FHOD1: variants seen among roughly 807,000 people sequenced by gnomAD.
FHOD1 encodes FH1/FH2 domain-containing protein 1.
In FHOD1, 89 loss-of-function variants were observed where a neutral mutation model predicts 111.6. The observed-to-expected ratio is 0.80, with a 90% CI of 0.67 to 0.95. FHOD1 has a LOEUF of 0.95. Among genes scored for constraint, FHOD1 ranks in the 40% least tolerant of loss-of-function variants. The probability of loss-of-function intolerance (pLI) is 0.00; values close to 1 mark genes in which losing one functional copy is unlikely to be tolerated. For missense variants in FHOD1, 1,446 were observed against 1,554.2 expected (o/e 0.93, Z 1.17); for synonymous variants, 618 against 639.0 (o/e 0.97, Z 0.50).
chr16:67,246,966 G>A (rs1480977840), intron 1 of FHOD1: 7 of 526,030 alleles, frequency 1.3e-5, no homozygotes, highest in Non-Finnish European at 9.9e-6. Flanking sequence ...CTCCCCAGGT[G>A]CGCCTAATTC....
In FHOD1 at chr16:67,234,500, C is replaced by G. The variant is rs181045850; in HGVS notation, c.1320-28G>C. The stretch of plus-strand genomic sequence containing the variant: ...GAGGGAAGGTGCTTGTCACTGACAG[C>G]GTCTGACACACCCCAGCCCAGGTGT... On this transcript the variant is annotated intron_variant, in intron 11 of 21. Transcript: ENST00000258201. 153 of 1,542,516 alleles carry G rather than the reference C, an allele frequency of 9.9e-5. No homozygotes were observed. In the African/African-American group the frequency reaches 1.7e-3, roughly 17 times the overall value.
chr16:67,244,051 G>A (rs1597332104), intron 1 of FHOD1, among the ~76,000 whole-genome samples: 1 of 152,280 alleles, frequency 6.6e-6, no homozygotes, highest in South Asian at 2.1e-4. Context: ...AAACATTCCA[G>A]GACAGTGCCA....
rs2034171849 is a variant in FHOD1 at position 67,229,717 on chromosome 16, C to A, written c.3414G>T (p.Leu1138Phe). ...CGAGCCCACTCTTCAACGTCCTTCT[C>A]ACTGCAGGGACAGAGCAGGGTTGGA... ...RKRSRGNRKS[L>F]RRTLKSGLGD... The change falls in exon 22 of 22, where the codon TTG becomes TTT. Residue 1138 changes from leucine to phenylalanine, a missense_variant and splice_region_variant. This residue lies in a region of FHOD1 where 1,085 missense variants were observed against 1,108.8 expected (regional missense o/e 0.98). Coordinates refer to ENST00000258201, the MANE Select transcript of FHOD1 (RefSeq NM_013241.3). 4 of 1,614,216 alleles carry A rather than the reference C, an allele frequency of 2.5e-6. No homozygotes were observed. Among genetic ancestry groups the A allele is most frequent in the Middle Eastern group, 1.6e-4 (1 of 6,062 alleles).
rs1177129738 is a variant in FHOD1 at position 67,234,477 on chromosome 16, G to A, written c.1320-5C>T. 1 of 1,575,034 alleles carries A rather than the reference G, an allele frequency of 6.3e-7. No individual in the cohort carries two copies. Among genetic ancestry groups the A allele is most frequent in the Admixed American group, 1.8e-5 (1 of 55,118 alleles). The stretch of plus-strand genomic sequence containing the variant: ...ACATTCTCCAGGAACCGGGCTCTGA[G>A]GGAAGGTGCTTGTCACTGACAGCGT... On this transcript the variant is annotated splice_polypyrimidine_tract_variant and splice_region_variant and intron_variant, in intron 11 of 21. Coordinates refer to ENST00000258201, the MANE Select transcript of FHOD1 (RefSeq NM_013241.3).
At chr16:67,245,411 T>G (rs1268074591) in intron 1 of FHOD1, among the ~76,000 whole-genome samples, 1 of 152,120 alleles carries the variant, frequency 6.6e-6, no homozygotes, top group Non-Finnish European at 1.5e-5. Context: ...TGAGCCTCTT[T>G]CTTGCAGCTG....
chr16:67,240,718 G>A (rs756728774), intron 1 of FHOD1, among the ~76,000 whole-genome samples: 1 of 152,204 alleles, frequency 6.6e-6, no homozygotes, highest in Non-Finnish European at 1.5e-5. Context: ...GCCTGAGGGA[G>A]GTGACTCCTG....
intron 17 of FHOD1, 171 bp from the exon 18 acceptor site, chr16:67,230,962 A>T: frequency 1.2e-6 from 1 of 850,794 alleles, no homozygotes; most frequent in South Asian, 1.7e-5. Context: ...TGGGGAGCAG[A>T]AGGTTTACTG....
At chr16:67,236,266 G>A in intron 11 of FHOD1, 5 of 833,634 alleles carry the variant, frequency 6.0e-6, no homozygotes, top group Non-Finnish European at 6.8e-6. Context: ...GGAAGAGACA[G>A]AGGCAGCAGA....
In FHOD1 at chr16:67,229,477, C is replaced by T. The variant is rs976443028; in HGVS notation, c.*159G>A. The T allele has an allele frequency of 1.6e-5, 11 of 669,030 alleles. No homozygotes were observed. The Admixed American group carries it at 2.0e-4, about 12-fold the overall frequency. The allele number at this position is 669,030 out of a possible 1,614,324, so 41.4% of individuals were successfully genotyped here. A position where few individuals can be genotyped will look rare whatever the true frequency, so the allele number is the denominator to read the frequency against. ...GCATATGCATGCACACACACACATA[C>T]ACACACACTCACATGCATACACACA... On this transcript the variant is annotated 3_prime_UTR_variant, in exon 22 of 22. Coordinates refer to ENST00000258201, the MANE Select transcript of FHOD1 (RefSeq NM_013241.3).
chr16:67,232,807 T>C (rs778683914), intron 13 of FHOD1, among the ~76,000 whole-genome samples: 11 of 150,884 alleles, frequency 7.3e-5, no homozygotes, highest in Admixed American at 1.3e-4. Context: ...TGTACCACCA[T>C]ACCCAACTAT....
intron 11 of FHOD1, chr16:67,236,008 G>C: frequency 1.0e-6 from 1 of 979,992 alleles, no homozygotes; most frequent in Non-Finnish European, 1.2e-6. Context: ...GCCGGCCTCT[G>C]TACTTACTCC....
At position 67,230,642 on chromosome 16, in the gene FHOD1, ACGG is replaced by A. The variant is rs752942969; in HGVS notation, c.2814_2816del (p.Arg939del). On this transcript the variant is annotated inframe_deletion, in exon 18 of 22. Transcript: ENST00000258201. Reference sequence around the variant, plus strand: ...GGTGCACTATCCTTAGCATGGCAACACGGCGGGCACACTGGTCCAGGAAGTGGG... The same window carrying A: ...GGTGCACTATCCTTAGCATGGCAACACGGGCACACTGGTCCAGGAAGTGGG... 1.3e-5 allele frequency: 21 copies of A among 1,613,906 alleles called. No individual in the cohort carries two copies. Among genetic ancestry groups the A allele is most frequent in the Admixed American group, 1.7e-5 (1 of 60,008 alleles).
intron 11 of FHOD1, among the ~76,000 whole-genome samples, chr16:67,235,151 A>G (rs1028128125): frequency 1.3e-5 from 2 of 152,178 alleles, no homozygotes; most frequent in Non-Finnish European, 2.9e-5. Context: ...GAGCAGGGGA[A>G]GGGGATAGCT....
rs1034200184 is a variant in FHOD1 at position 67,230,940 on chromosome 16, A to G, written c.2668-149T>C. ...AGACTAGTGCAAGAGACACAAGTCCATCTGATGTGAATGGGGAGCAGAAGG... is the reference window on the plus strand; with the variant it reads ...AGACTAGTGCAAGAGACACAAGTCCGTCTGATGTGAATGGGGAGCAGAAGG... On this transcript the variant is annotated intron_variant, in intron 17 of 21. Coordinates refer to ENST00000258201, the MANE Select transcript of FHOD1 (RefSeq NM_013241.3). 6.5e-6 allele frequency: 6 copies of G among 919,400 alleles called. No individual in the cohort carries two copies. The Admixed American group carries it at 1.1e-4, about 17-fold the overall frequency. 57.0% of individuals were successfully genotyped at this position (919,400 alleles called of 1,614,324 possible).
Position 67,247,233 on chromosome 16 carries a change from G to A in FHOD1, c.178C>T (p.Arg60Cys). The A allele has an allele frequency of 6.3e-7, 1 of 1,599,054 alleles. No homozygotes were observed. The highest frequency in any genetic ancestry group is 8.5e-7 in the Non-Finnish European group (1 of 1,174,140). Residue 60 changes from arginine to cysteine, a missense_variant, in exon 1 of 22, where the codon CGC becomes TGC. Physicochemically the swap from Arg to Cys is radical, Grantham distance 180. Coordinates refer to ENST00000258201, the MANE Select transcript of FHOD1 (RefSeq NM_013241.3). ...ACCTTGAGCGGCGCTCCCAGCAGGCGGTGCACCGCGGGTATCTGCGCGCCC... is the reference window on the plus strand; with the variant it reads ...ACCTTGAGCGGCGCTCCCAGCAGGCAGTGCACCGCGGGTATCTGCGCGCCC... ...PLGAQIPAVH[R>C]LLGAPLKLED... is the part of the protein sequence containing the mutation.
In FHOD1 at chr16:67,231,115, G is replaced by A; in HGVS notation, c.2667+73C>T. On this transcript the variant is annotated intron_variant, in intron 17 of 21. Transcript: ENST00000258201. The surrounding 1 kb of genome is among the most constrained non-coding windows in gnomAD (Gnocchi z 4.3). ...CACAGCAGCCCAAATGGGGAGAAGG[G>A]GGAGGAGCCAGGCCCAGGAAGCAGC... 1.9e-6 allele frequency: 3 copies of A among 1,567,484 alleles called. No homozygotes were observed. In the South Asian group the frequency reaches 3.5e-5, roughly 19 times the overall value.
chr16:67,234,128 C>A lies in FHOD1; in HGVS notation c.1575G>T (p.Lys525Asn). 1 of 1,576,138 alleles carries A rather than the reference C, an allele frequency of 6.3e-7. No homozygotes were observed. Among genetic ancestry groups the A allele is most frequent in the South Asian group, 1.2e-5 (1 of 85,240 alleles). Residue 525 changes from lysine (K) to asparagine (N), a missense_variant, in exon 13 of 22, where the codon AAG (lysine) becomes AAT (asparagine). Transcript: ENST00000258201. The stretch of plus-strand genomic sequence containing the variant: ...TAGGGAGCTCCCAGATGGGCTCAGC[C>A]TTGGGGCTTGCTGGTATCAGTGGCT... ...PKEPLIPASP[K>N]AEPIWELPTR...
chr16:67,230,125 C>T lies in FHOD1; in HGVS notation c.3155G>A (p.Ser1052Asn), dbSNP rs757844941. Residue 1052 changes from serine (S) to asparagine (N), a missense_variant, in exon 20 of 22, where the codon AGT becomes AAT. This residue lies in a region of FHOD1 where 1,085 missense variants were observed against 1,108.8 expected (regional missense o/e 0.98). Transcript: ENST00000258201. Reference protein sequence around the residue: ...PGRGDADSHASMKSLLTSRPE... With the variant: ...PGRGDADSHANMKSLLTSRPE... ...CCTGCTGGTCAGCAGACTCTTCATA[C>T]TAGCATGACTGTCAGCATCTCCCCG... 9 of 1,614,114 alleles carry T rather than the reference C, an allele frequency of 5.6e-6. No homozygotes were observed. The South Asian group carries it at 7.7e-5, about 14-fold the overall frequency.
intron 1 of FHOD1, among the ~76,000 whole-genome samples, chr16:67,244,705 A>G (rs1422390684): frequency 6.6e-6 from 1 of 152,170 alleles, no homozygotes; most frequent in East Asian, 1.9e-4. Context: ...GATCAGGGCC[A>G]GTACCCGGGG....
Sources: gnomAD v4.1 joint callset for allele counts (sites outside exome capture counted in the v4.1 genomes callset) on GRCh38, gnomAD v4.1.1 for gene constraint, gnomAD v4.1.1 regional missense constraint, Gnocchi (gnomAD v3.1) non-coding constraint, MANE v1.5 for transcripts, NCBI Gene and HGNC (gene_info 2026-07-23, HGNC 2026-07-21) for gene names.